Variants in MAP3K3 observed in about 807,000 individuals in gnomAD.
MAP3K3 encodes the protein MAP/ERK kinase kinase 3.
In MAP3K3, 12 loss-of-function variants were observed where a neutral mutation model predicts 80.9. The observed-to-expected ratio is 0.15, with a 90% confidence interval of 0.10 to 0.24. The LOEUF (loss-of-function observed/expected upper bound fraction) is 0.24, where lower values mean the gene tolerates loss of function less well. Among genes scored for constraint, MAP3K3 ranks in the 10% least tolerant of loss-of-function variants. The pLI is 1.00. For missense variants in MAP3K3, 596 were observed against 834.7 expected, an observed-to-expected ratio of 0.71 and a Z score of 3.52; for synonymous variants, 272 against 307.1, an observed-to-expected ratio of 0.89 and a Z score of 1.19.
chr17:63,668,789 A>T (rs1042306698), intron 6 of MAP3K3, among the ~76,000 whole-genome samples: 4 of 152,204 alleles, frequency 2.6e-5, no homozygotes, highest in Non-Finnish European at 5.9e-5. Flanking sequence ...ACGGCCTCTT[A>T]GCATACCTAG....
intron 6 of MAP3K3, among the ~76,000 whole-genome samples, chr17:63,671,493 A>G (rs1223679288): frequency 6.6e-6 from 1 of 151,974 alleles, no homozygotes; most frequent in Non-Finnish European, 1.5e-5. Flanking sequence ...TGACCTTGTG[A>G]TCCACCTGCC....
intron 1 of MAP3K3, among the ~76,000 whole-genome samples, chr17:63,629,336 G>T (rs1291025621): frequency 6.6e-6 from 1 of 152,132 alleles, no homozygotes; most frequent in Non-Finnish European, 1.5e-5. Context: ...TGTTGGCCAG[G>T]CTGGTTTCGA....
chr17:63,633,320 G>A (rs922080803), intron 2 of MAP3K3, among the ~76,000 whole-genome samples: 2 of 151,930 alleles, frequency 1.3e-5, no homozygotes, highest in Non-Finnish European at 1.5e-5. Flanking sequence ...TCTGTTATGG[G>A]GACAGTATTC....
rs932782596 is a variant in MAP3K3 at position 63,694,478 on chromosome 17, C to T, written c.*701C>T. On this transcript the variant is annotated 3_prime_UTR_variant, in exon 16 of 16. Coordinates refer to ENST00000361733, the MANE Select transcript of MAP3K3 (RefSeq NM_002401.5). The stretch of plus-strand genomic sequence containing the variant: ...CCACTGAGGGGGGATCCAGTTTTGT[C>T]AATGCAGTTGTCTCTGTTTTACAAG... 1.3e-5 allele frequency: 2 copies of T among 152,740 alleles called. No homozygotes were observed. Among genetic ancestry groups the T allele is most frequent in the African/African-American group, 4.8e-5 (2 of 41,466 alleles). 9.5% of individuals were successfully genotyped at this position (152,740 alleles called of 1,614,324 possible). A position where few individuals can be genotyped will look rare whatever the true frequency, so the allele number is the denominator to read the frequency against.
At chr17:63,688,971 AT>A in intron 10 of MAP3K3, 90 bp downstream of exon 10, 1 of 873,408 alleles carries the variant, frequency 1.1e-6, no homozygotes, top group Non-Finnish European at 1.9e-6. Flanking sequence ...CAGTGCCTGT[AT>A]TTTCCTTCAT....
At chr17:63,635,575 T>C (rs1225310223) in intron 2 of MAP3K3, among the ~76,000 whole-genome samples, 1 of 152,188 alleles carries the variant, frequency 6.6e-6, no homozygotes, top group African/African-American at 2.4e-5. Flanking sequence ...TCTCAGCAAA[T>C]GCATTTCTAG....
At chr17:63,690,666 G>A in intron 12 of MAP3K3, 1 of 488,496 alleles carries the variant, frequency 2.0e-6, no homozygotes, top group Non-Finnish European at 3.7e-6. Context: ...AAACTGAGAG[G>A]TGATGACCTG....
intron 2 of MAP3K3, among the ~76,000 whole-genome samples, chr17:63,635,467 G>T (rs1420022614): frequency 2.0e-5 from 3 of 152,198 alleles, no homozygotes; most frequent in African/African-American, 7.2e-5. Flanking sequence ...TGAAGTCAAG[G>T]TTATAGAATG....
At chr17:63,662,353 C>T (rs1010756853) in intron 5 of MAP3K3, among the ~76,000 whole-genome samples, 6 of 150,786 alleles carry the variant, frequency 4.0e-5, no homozygotes, top group Admixed American at 3.3e-4. Flanking sequence ...AGGTTGAGGC[C>T]GCAGTGAGCC....
chr17:63,690,533 C>T, intron 12 of MAP3K3, 121 bp downstream of exon 12: 2 of 1,091,584 alleles, frequency 1.8e-6, no homozygotes, highest in East Asian at 2.5e-5. Context: ...TCCCAAACTC[C>T]CTTTCTGTCC....
At chr17:63,687,766 G>T (rs904139610) in intron 8 of MAP3K3, among the ~76,000 whole-genome samples, 2 of 149,398 alleles carry the variant, frequency 1.3e-5, no homozygotes, top group African/African-American at 5.0e-5. Flanking sequence ...GAGGCGGGTG[G>T]ATCACAAGGT....
At chr17:63,639,230 G>A (rs1475054774) in intron 2 of MAP3K3, among the ~76,000 whole-genome samples, 1 of 152,154 alleles carries the variant, frequency 6.6e-6, no homozygotes, top group Non-Finnish European at 1.5e-5. Context: ...AGGTGGAAGG[G>A]CACTTGAACT....
At chr17:63,670,586 CAAAAAAAA>C (rs756058538) in intron 6 of MAP3K3, among the ~76,000 whole-genome samples, 3 of 79,954 alleles carry the variant, frequency 3.8e-5, no homozygotes, top group Non-Finnish European at 7.3e-5. Flanking sequence ...GACTCTGTCT[CAAAAAAAA>C]AAAAAAAAAA....
chr17:63,676,719 G>A (rs929521163), intron 6 of MAP3K3, among the ~76,000 whole-genome samples: 4 of 152,160 alleles, frequency 2.6e-5, no homozygotes, highest in East Asian at 1.9e-4. Flanking sequence ...ACCACAGAGC[G>A]TCCTCCCTCT....
At position 63,689,136 on chromosome 17, in the gene MAP3K3, C is replaced by T; in HGVS notation, c.871+255C>T. On this transcript the variant is annotated intron_variant, in intron 10 of 15. Transcript: ENST00000361733. This position sits in a 1 kb window ranked among gnomAD's most constrained non-coding sequence, Gnocchi z 4.3. ...TGTGCTCCAGGGGCACCATCTCTCC[C>T]ATGTCCTCTTCTGCCCCACAGCAGC... 1 of 576,430 alleles carries T rather than the reference C, an allele frequency of 1.7e-6. No individual in the cohort carries two copies. Among genetic ancestry groups the T allele is most frequent in the Non-Finnish European group, 3.1e-6 (1 of 324,442 alleles). 35.7% of individuals were successfully genotyped at this position (576,430 alleles called of 1,614,324 possible).
intron 2 of MAP3K3, among the ~76,000 whole-genome samples, chr17:63,636,348 G>A (rs1478121128): frequency 6.6e-6 from 1 of 152,162 alleles, no homozygotes; most frequent in African/African-American, 2.4e-5. Flanking sequence ...AGAGAATACT[G>A]TACACTAGGA....
chr17:63,688,725 C>G, intron 9 of MAP3K3, 64 bp from the exon 10 acceptor site: 5 of 1,418,856 alleles, frequency 3.5e-6, no homozygotes, highest in Non-Finnish European at 5.0e-6. Flanking sequence ...GCCTTGGGGA[C>G]TTGGGGGCTT....
rs2035633619 is a variant in MAP3K3, at chr17:63,693,447, C to T, written c.1653-102C>T. 3.7e-6 allele frequency: 4 copies of T among 1,068,418 alleles called. No homozygotes were observed. Among genetic ancestry groups the T allele is most frequent in the Admixed American group, 2.4e-5 (1 of 41,196 alleles). The allele number at this position is 1,068,418 out of a possible 1,614,324, so 66.2% of individuals were successfully genotyped here. ...ATCCCTCAGCTTGGCCTGTCCTGCA[C>T]CTCAGCTTGCTGTGAGAAAGGCGCC... On this transcript the variant is annotated intron_variant, in intron 15 of 15. Coordinates refer to ENST00000361733, the MANE Select transcript of MAP3K3 (RefSeq NM_002401.5). The surrounding 1 kb of genome is among the most constrained non-coding windows in gnomAD (Gnocchi z 4.2).
chr17:63,670,586 C>CAAAAAAAAAAAA (rs756058538), intron 6 of MAP3K3, among the ~76,000 whole-genome samples: 2 of 79,902 alleles, frequency 2.5e-5, no homozygotes, highest in Non-Finnish European at 4.9e-5. Flanking sequence ...GACTCTGTCT[C>CAAAAAAAAAAAA]AAAAAAAAAA....
Sources: gnomAD v4.1 joint callset for allele counts (sites outside exome capture counted in the v4.1 genomes callset) on GRCh38, gnomAD v4.1.1 for gene constraint, Gnocchi (gnomAD v3.1) non-coding constraint, MANE v1.5 for transcripts, NCBI Gene and HGNC (gene_info 2026-07-23, HGNC 2026-07-21) for gene names.